The following GSE1 variants were observed in gnomAD, a reference collection of about 807,000 sequenced individuals.
GSE1 encodes the protein genetic suppressor element 1.
Under a neutral mutation model 112.6 loss-of-function variants are expected in GSE1, and 32 were observed. The ratio of observed to expected loss-of-function variants is 0.28; its 90% CI spans 0.21 to 0.38. The LOEUF (loss-of-function observed/expected upper bound fraction) is 0.38, where lower values mean the gene tolerates loss of function less well. Ranked by LOEUF, GSE1 falls within the 10% of genes least tolerant of loss-of-function variation. The pLI is 1.00. For synonymous variants in GSE1, 1,115 were observed against 735.6 expected (o/e 1.52, Z -8.35); for missense variants, 2,348 against 1,699.2 (o/e 1.38, Z -6.71).
intron 2 of GSE1, among the ~76,000 whole-genome samples, chr16:85,489,379 G>A (rs970798630): frequency 6.6e-6 from 1 of 151,970 alleles, no homozygotes; most frequent in Admixed American, 6.6e-5. Flanking sequence ...GGGGGCTGGG[G>A]GGCTGCCTAG....
chr16:85,350,708 C>T (rs1422182282), intron 1 of GSE1, among the ~76,000 whole-genome samples: 1 of 152,234 alleles, frequency 6.6e-6, no homozygotes, highest in Non-Finnish European at 1.5e-5. Flanking sequence ...TGCTATGTTC[C>T]AAGTGCCTTA....
chr16:85,532,779 T>G (rs1018227066), intron 2 of GSE1, among the ~76,000 whole-genome samples: 1 of 152,158 alleles, frequency 6.6e-6, no homozygotes, highest in African/African-American at 2.4e-5. Flanking sequence ...ACATGTGTAT[T>G]TTGGAGTCAC....
intron 1 of GSE1, among the ~76,000 whole-genome samples, chr16:85,559,405 G>A (rs1433356763): frequency 1.3e-5 from 2 of 152,206 alleles, no homozygotes; most frequent in African/African-American, 2.4e-5. Flanking sequence ...GGCTTGCTTC[G>A]GGCCTGTGGT....
At chr16:85,425,938 T>G (rs11149744) in intron 2 of GSE1, among the ~76,000 whole-genome samples, 94,710 of 151,818 alleles carry the variant, frequency 0.62, 32,349 homozygotes, top group Non-Finnish European at 0.76. Flanking sequence ...TTGTTCAGCT[T>G]GTCAGTGGCG....
intron 2 of GSE1, among the ~76,000 whole-genome samples, chr16:85,523,272 G>A (rs2052252163): frequency 6.8e-6 from 1 of 147,664 alleles, no homozygotes; most frequent in Non-Finnish European, 1.5e-5. Context: ...CCCTGTGTGT[G>A]TGAGACCTCT....
At chr16:85,547,968 C>G (rs2044759402) in intron 2 of GSE1, among the ~76,000 whole-genome samples, 1 of 151,568 alleles carries the variant, frequency 6.6e-6, no homozygotes, top group African/African-American at 2.4e-5. Context: ...TGGCTCATGC[C>G]TGTAATCCCA....
At chr16:85,478,908 TTTC>T (rs2050570567) in intron 2 of GSE1, among the ~76,000 whole-genome samples, 8 of 52,406 alleles carry the variant, frequency 1.5e-4, no homozygotes, top group African/African-American at 7.4e-4. Context: ...TCTTTCTTTC[TTTC>T]TTTCTTTCTT....
rs367834593 is a variant in GSE1 at position 85,214,250 on chromosome 16, CA to C, written c.2283+42444del. ...GACTATGCTGGGGTGAGGGCCCCCCCACCCAGATTCTTGTCACCCAGAACCT... is the reference window on the plus strand; with the variant it reads ...GACTATGCTGGGGTGAGGGCCCCCCCCCCAGATTCTTGTCACCCAGAACCT... On this transcript the variant is annotated intron_variant, in intron 1 of 2. Transcript: ENST00000637419. Among the ~76,000 whole-genome samples the C allele has an allele frequency of 4.3e-3, 650 of 152,188 alleles. 5 individuals are homozygous for C. The highest frequency in any genetic ancestry group is 0.015 in the African/African-American group (616 of 41,476).
intron 2 of GSE1, among the ~76,000 whole-genome samples, chr16:85,495,134 C>G (rs545924003): frequency 6.6e-6 from 1 of 152,244 alleles, no homozygotes; most frequent in East Asian, 1.9e-4. Flanking sequence ...CTTTGTCCTT[C>G]GGGAGGAGGG....
chr16:85,408,036 C>T (rs1223915781), intron 2 of GSE1, among the ~76,000 whole-genome samples: 2 of 49,826 alleles, frequency 4.0e-5, no homozygotes, highest in African/African-American at 2.3e-4. Flanking sequence ...TCAGGGCCCC[C>T]CTGGATAATC....
chr16:85,248,040 C>T (rs1380890911), intron 1 of GSE1, among the ~76,000 whole-genome samples: 6 of 152,252 alleles, frequency 3.9e-5, no homozygotes, highest in African/African-American at 9.6e-5. Flanking sequence ...TACTTAAGGC[C>T]TGCCTGGTGC....
chr16:85,191,872 C>T (rs1351777052), intron 1 of GSE1, among the ~76,000 whole-genome samples: 5 of 151,988 alleles, frequency 3.3e-5, no homozygotes, highest in Admixed American at 6.6e-5. Flanking sequence ...GGTGGTGGGA[C>T]GGTCTGGGGG....
chr16:85,457,527 G>A (rs898090169), intron 2 of GSE1, among the ~76,000 whole-genome samples: 3 of 152,216 alleles, frequency 2.0e-5, no homozygotes, highest in Non-Finnish European at 2.9e-5. Context: ...ATGTGTCATC[G>A]TCCCAGGACC....
chr16:85,419,563 A>G lies in GSE1; in HGVS notation c.2464+61920A>G, dbSNP rs924941076. Reference sequence around the variant, plus strand: ...CGAGGCTGCAGTGAGCCATGACTGCATCACTGTACTCCAGCCTGGGCAATA... The same window carrying G: ...CGAGGCTGCAGTGAGCCATGACTGCGTCACTGTACTCCAGCCTGGGCAATA... On this transcript the variant is annotated intron_variant, in intron 2 of 2. Transcript: ENST00000637419. This position sits in a 1 kb window ranked among gnomAD's most constrained non-coding sequence, Gnocchi z 6.5. Among the ~76,000 whole-genome samples, 2 of 151,798 alleles carry G rather than the reference A, an allele frequency of 1.3e-5. No homozygotes were observed. The highest frequency in any genetic ancestry group is 6.6e-5 in the Admixed American group (1 of 15,226).
At position 85,413,477 on chromosome 16, in the gene GSE1, G is replaced by T. The variant is rs145204464; in HGVS notation, c.2464+55834G>T. 2.4e-3 allele frequency among the ~76,000 whole-genome samples: 363 copies of T among 152,066 alleles called. 3 individuals carry two copies. The highest frequency in any genetic ancestry group is 8.7e-3 in the African/African-American group (360 of 41,480). ...TGGAGCACCATCTTCCATCACTAATGTCACTTACACCTTCAGGCGGCAAGG... is the reference window on the plus strand; with the variant it reads ...TGGAGCACCATCTTCCATCACTAATTTCACTTACACCTTCAGGCGGCAAGG... On this transcript the variant is annotated intron_variant, in intron 2 of 2. Transcript: ENST00000637419.
rs754293455 is a variant in GSE1 at position 85,250,090 on chromosome 16, C to T, written c.2283+78283C>T. Among the ~76,000 whole-genome samples, 8 of 152,218 alleles carry T rather than the reference C, an allele frequency of 5.3e-5. 1 individual carries two copies. In the South Asian group the frequency reaches 6.2e-4, roughly 12 times the overall value. On this transcript the variant is annotated intron_variant, in intron 1 of 2. Transcript: ENST00000637419. ...CAGCTCCTGCGGTGTTGGTCTGCGG[C>T]GGCCTCGGCAGCTCTGCTCGGTTCT...
intron 1 of GSE1, among the ~76,000 whole-genome samples, chr16:85,235,656 C>G (rs937695434): frequency 6.6e-6 from 1 of 151,568 alleles, no homozygotes; most frequent in African/African-American, 2.4e-5. Context: ...CTCCTCCCCC[C>G]GAGGGTGGGG....
chr16:85,587,234 A>G (rs898625085), intron 1 of GSE1, among the ~76,000 whole-genome samples: 4 of 152,090 alleles, frequency 2.6e-5, no homozygotes, highest in African/African-American at 9.7e-5. Flanking sequence ...AAAACAGGAA[A>G]GAGCGGACGG....
intron 2 of GSE1, among the ~76,000 whole-genome samples, chr16:85,446,022 A>T (rs1238428810): frequency 6.6e-6 from 1 of 152,176 alleles, no homozygotes; most frequent in Admixed American, 6.5e-5. Flanking sequence ...TAGCATTTGG[A>T]AGAGTGCCTG....
Sources: allele counts gnomAD v4.1 joint callset (sites outside exome capture counted in the v4.1 genomes callset), GRCh38; gene constraint gnomAD v4.1.1; non-coding constraint Gnocchi (gnomAD v3.1); transcripts MANE v1.5; gene names NCBI Gene and HGNC (gene_info 2026-07-23, HGNC 2026-07-21).